Variants in PCBP3 observed in about 807,000 individuals in gnomAD.
PCBP3 encodes poly(rC)-binding protein 3.
A neutral mutation model predicts 52.7 loss-of-function variants in PCBP3; 25 were observed. The observed-to-expected ratio is 0.47, with a 90% CI of 0.35 to 0.66. The LOEUF is 0.66. Among genes scored for constraint, PCBP3 ranks in the 30% least tolerant of loss-of-function variants. The probability of loss-of-function intolerance (pLI) is 0.01; values close to 1 mark genes in which losing one functional copy is unlikely to be tolerated. For missense variants in PCBP3, 391 were observed against 490.3 expected (o/e 0.80, Z 1.91); for synonymous variants, 162 against 183.0 (o/e 0.89, Z 0.93).
chr21:45,749,128 A>C (rs967566944), intron 3 of PCBP3, among the ~76,000 whole-genome samples: 1 of 152,132 alleles, frequency 6.6e-6, no homozygotes, highest in African/African-American at 2.4e-5. Context: ...GTCTTTGATT[A>C]ACCCTTTTTA....
intron 6 of PCBP3, among the ~76,000 whole-genome samples, chr21:45,898,290 T>A (rs2095884139): frequency 1.5e-5 from 1 of 67,788 alleles, no homozygotes; most frequent in Non-Finnish European, 3.2e-5. Context: ...CACGGGCCCC[T>A]CTGCACACCG....
intron 2 of PCBP3, among the ~76,000 whole-genome samples, chr21:45,690,749 A>G (rs372247135): frequency 3.3e-5 from 5 of 152,208 alleles, no homozygotes; most frequent in African/African-American, 1.2e-4. Flanking sequence ...AATGAAAGCT[A>G]AAAGCACAAG....
chr21:45,915,122 C>A (rs1366974896), intron 12 of PCBP3: 1 of 152,304 alleles, frequency 6.6e-6, no homozygotes, highest in Non-Finnish European at 1.5e-5. Flanking sequence ...GGCACACACC[C>A]CTTCCTGTCT....
intron 2 of PCBP3, among the ~76,000 whole-genome samples, chr21:45,669,812 T>C (rs1346230180): frequency 6.3e-5 from 5 of 79,808 alleles, no homozygotes; most frequent in Admixed American, 3.5e-4. Flanking sequence ...TGTGTATATA[T>C]ATATATATAT....
chr21:45,721,109 A>G (rs145462319), intron 2 of PCBP3, among the ~76,000 whole-genome samples: 172 of 152,248 alleles, frequency 1.1e-3, no homozygotes, highest in Admixed American at 2.7e-3. Context: ...AAATTTTTGC[A>G]TGTTTAGAAA....
Position 45,847,323 on chromosome 21 carries a change from T to A in PCBP3, c.-125-2638T>A, listed in dbSNP as rs891753373. 8.5e-5 allele frequency among the ~76,000 whole-genome samples: 13 copies of A among 152,318 alleles called. 1 individual carries two copies. In the South Asian group the frequency reaches 1.0e-3, roughly 12 times the overall value. The stretch of plus-strand genomic sequence containing the variant: ...TTTTTCTGATTCATCTACCTCTGAT[T>A]TATTTGCTGTATTTTTACTTTTGCA... On this transcript the variant is annotated intron_variant, in intron 4 of 17. Coordinates refer to ENST00000681687, the MANE Select transcript of PCBP3 (RefSeq NM_001384156.1).
At position 45,827,435 on chromosome 21, in the gene PCBP3, C is replaced by T. The variant is rs940418668; in HGVS notation, c.-125-22526C>T. ...AGTTCAGCTGACAAAAGGCAATCGA[C>T]AGACACCAACACCAACACCCAGATG... On this transcript the variant is annotated intron_variant, in intron 4 of 17. Coordinates refer to ENST00000681687, the MANE Select transcript of PCBP3 (RefSeq NM_001384156.1). The surrounding 1 kb of genome is among the most constrained non-coding windows in gnomAD (Gnocchi z 4.3). Among the ~76,000 whole-genome samples the T allele has an allele frequency of 4.6e-5, 7 of 152,164 alleles. No individual in the cohort carries two copies. Among genetic ancestry groups the T allele is most frequent in the Non-Finnish European group, 1.0e-4 (7 of 68,040 alleles).
intron 2 of PCBP3, among the ~76,000 whole-genome samples, chr21:45,683,907 C>T (rs567081963): frequency 7.1e-4 from 108 of 151,054 alleles, no homozygotes; most frequent in African/African-American, 2.4e-3. Context: ...GCCTGGGCGA[C>T]AGCGAGACTC....
rs1387948102 is a variant in PCBP3 at position 45,669,804 on chromosome 21, T to TATAC, written c.-200+852_-200+853insATAC. ...ATATTCCATTGTGTGTGTGTGTGTG[T>TATAC]GTATATATATATATATATATATATA... On this transcript the variant is annotated intron_variant, in intron 2 of 17. Coordinates refer to ENST00000681687, the MANE Select transcript of PCBP3 (RefSeq NM_001384156.1). 9.2e-4 allele frequency among the ~76,000 whole-genome samples: 53 copies of TATAC among 57,480 alleles called. 2 individuals carry two copies. Among genetic ancestry groups the TATAC allele is most frequent in the Admixed American group, 5.9e-3 (36 of 6,052 alleles). 37.7% of individuals were successfully genotyped at this position (57,480 alleles called of 152,430 possible).
intron 5 of PCBP3, among the ~76,000 whole-genome samples, chr21:45,862,416 T>C (rs1257211218): frequency 2.0e-5 from 3 of 151,976 alleles, no homozygotes; most frequent in Non-Finnish European, 4.4e-5. Context: ...AAAACAAACA[T>C]GGTTGGTTAC....
chr21:45,909,337 C>T lies in PCBP3; in HGVS notation c.340-18C>T, dbSNP rs1162901012. On this transcript the variant is annotated intron_variant, in intron 9 of 17. Coordinates refer to ENST00000681687, the MANE Select transcript of PCBP3 (RefSeq NM_001384156.1). ...CACGACGCCTGAAGTGCTGCCAACA[C>T]ACGTGTCTCTCCCCTAGGATATCAT... 5.6e-6 allele frequency: 9 copies of T among 1,608,916 alleles called. No individual in the cohort carries two copies. The Admixed American group carries it at 8.4e-5, about 15-fold the overall frequency.
chr21:45,684,144 C>T (rs2147618352), intron 2 of PCBP3, among the ~76,000 whole-genome samples: 1 of 151,780 alleles, frequency 6.6e-6, no homozygotes, highest in Non-Finnish European at 1.5e-5. Context: ...AGAAGGATCA[C>T]TTAAGCTCAG....
chr21:45,719,613 A>G (rs2084478554), intron 2 of PCBP3, among the ~76,000 whole-genome samples: 1 of 151,956 alleles, frequency 6.6e-6, no homozygotes, highest in Admixed American at 6.5e-5. Flanking sequence ...ATGGTTTTAT[A>G]AGCATCTGGC....
intron 2 of PCBP3, among the ~76,000 whole-genome samples, chr21:45,707,588 A>C (rs1318568923): frequency 1.3e-5 from 2 of 152,200 alleles, no homozygotes. Context: ...AGGCGTGGGG[A>C]TCTGCATTTC....
intron 16 of PCBP3, 104 bp from the exon 17 acceptor site, chr21:45,939,926 A>G: frequency 9.5e-7 from 1 of 1,054,550 alleles, no homozygotes; most frequent in South Asian, 1.5e-5. Flanking sequence ...GGCAGAGTCC[A>G]AGGCTGGCGG....
intron 5 of PCBP3, among the ~76,000 whole-genome samples, chr21:45,891,456 A>G (rs1016451516): frequency 6.6e-6 from 1 of 152,228 alleles, no homozygotes; most frequent in Non-Finnish European, 1.5e-5. Flanking sequence ...TACATCTTCT[A>G]TAAATACTAA....
At position 45,800,110 on chromosome 21, in the gene PCBP3, G is replaced by A. The variant is rs1217447247; in HGVS notation, c.-126+44658G>A. 4.6e-5 allele frequency among the ~76,000 whole-genome samples: 7 copies of A among 152,152 alleles called. No individual in the cohort carries two copies. The highest frequency in any genetic ancestry group is 7.3e-5 in the Non-Finnish European group (5 of 68,032). ...CTTCATGAATCATGGCCTGGCTTCC[G>A]TGCAGCTGCCTTTTTGGAGGAGGCT... is the stretch of plus-strand genomic sequence containing the variant. On this transcript the variant is annotated intron_variant, in intron 4 of 17. Transcript: ENST00000681687. This position sits in a 1 kb window ranked among gnomAD's most constrained non-coding sequence, Gnocchi z 5.3.
chr21:45,849,156 C>T (rs1242065958), intron 4 of PCBP3, among the ~76,000 whole-genome samples: 1 of 151,374 alleles, frequency 6.6e-6, no homozygotes, highest in East Asian at 1.9e-4. Context: ...TCTACTCTTT[C>T]CATCCTTCCT....
chr21:45,849,880 A>G (rs2093927431), intron 4 of PCBP3, 81 bp from the exon 5 acceptor site: 1 of 600,550 alleles, frequency 1.7e-6, no homozygotes, highest in South Asian at 2.0e-5. Flanking sequence ...TGAAGGCAAG[A>G]GGCAGTTCCG....
Sources: allele counts gnomAD v4.1 joint callset (sites outside exome capture counted in the v4.1 genomes callset), GRCh38; gene constraint gnomAD v4.1.1; non-coding constraint Gnocchi (gnomAD v3.1); transcripts MANE v1.5; gene names NCBI Gene and HGNC (gene_info 2026-07-23, HGNC 2026-07-21).